Variants in RB1CC1 observed in about 807,000 individuals in gnomAD.
RB1CC1 encodes the protein RB1 inducible coiled-coil 1.
Under a neutral mutation model 177.5 loss-of-function variants are expected in RB1CC1, and 46 were observed. The observed-to-expected ratio is 0.26, with a 90% confidence interval of 0.20 to 0.33. The LOEUF is 0.33. Among genes scored for constraint, RB1CC1 ranks in the 10% least tolerant of loss-of-function variants. The pLI is 1.00. For synonymous variants in RB1CC1, 666 were observed against 613.6 expected (o/e 1.09, Z -1.26); for missense variants, 1,703 against 1,816.3 (o/e 0.94, Z 1.13).
intron 15 of RB1CC1, among the ~76,000 whole-genome samples, chr8:52,647,338 C>T (rs1237723097): frequency 6.6e-6 from 1 of 152,084 alleles, no homozygotes; most frequent in Non-Finnish European, 1.5e-5. Context: ...TAGGAATCCC[C>T]TATTTCATAA....
At chr8:52,673,804 T>C (rs367625437) in intron 7 of RB1CC1, 41 bp downstream of exon 7, 4 of 1,498,850 alleles carry the variant, frequency 2.7e-6, no homozygotes, top group Non-Finnish European at 2.7e-6. Context: ...TAATATAAAG[T>C]AGTAAAATGA....
intron 5 of RB1CC1, among the ~76,000 whole-genome samples, chr8:52,681,712 T>C (rs1347151563): frequency 6.6e-6 from 1 of 152,174 alleles, no homozygotes; most frequent in Non-Finnish European, 1.5e-5. Context: ...AGGAGGATCA[T>C]TTGAGCCCAG....
chr8:52,654,825 T>G (rs1403684284), intron 15 of RB1CC1, among the ~76,000 whole-genome samples: 5 of 152,172 alleles, frequency 3.3e-5, no homozygotes, highest in Admixed American at 2.6e-4. Context: ...TCCTGTTAGA[T>G]CAATTTAACC....
At chr8:52,673,787 G>C (rs1852816556) in intron 7 of RB1CC1, 58 bp downstream of exon 7, 3 of 1,414,232 alleles carry the variant, frequency 2.1e-6, no homozygotes, top group Non-Finnish European at 2.8e-6. Context: ...AAAATATTTA[G>C]GATAAATAAT....
chr8:52,692,372 T>C (rs1328953649), intron 1 of RB1CC1, among the ~76,000 whole-genome samples: 1 of 152,128 alleles, frequency 6.6e-6, no homozygotes, highest in African/African-American at 2.4e-5. Context: ...AACATGAAGT[T>C]CCAAAATACA....
At chr8:52,700,313 C>T (rs1855932609) in intron 1 of RB1CC1, among the ~76,000 whole-genome samples, 1 of 149,372 alleles carries the variant, frequency 6.7e-6, no homozygotes, top group Non-Finnish European at 1.5e-5. Context: ...TGCTTGAGAT[C>T]AAGAGTTCCA....
At chr8:52,704,935 C>G (rs1406472998) in intron 1 of RB1CC1, among the ~76,000 whole-genome samples, 1 of 152,094 alleles carries the variant, frequency 6.6e-6, no homozygotes, top group Non-Finnish European at 1.5e-5. Flanking sequence ...ATATTTAATA[C>G]TATACAAGTT....
chr8:52,699,833 ATATATATATATAT>A (rs1855877932), intron 1 of RB1CC1, among the ~76,000 whole-genome samples: 1 of 55,358 alleles, frequency 1.8e-5, no homozygotes, highest in East Asian at 8.0e-4. Flanking sequence ...AAAAAAAAAT[ATATATATATATAT>A]ATATATATAT....
At chr8:52,658,793 C>T in intron 13 of RB1CC1, 80 bp downstream of exon 13, 1 of 929,124 alleles carries the variant, frequency 1.1e-6, no homozygotes, top group South Asian at 2.0e-5. Context: ...CTTAAGATTA[C>T]TGGTACTACC....
At chr8:52,695,026 T>C (rs117813225) in intron 1 of RB1CC1, among the ~76,000 whole-genome samples, 3,008 of 152,182 alleles carry the variant, frequency 0.02, 39 homozygotes, top group Middle Eastern at 0.031. Flanking sequence ...AATAGATAAA[T>C]AGGCAAAGGG....
rs1030498117 is a variant in RB1CC1, at chr8:52,645,684, G to A, written c.3987+18C>T. ...ACCTTCTTTAGTTCTCAAATGAAAT[G>A]GGAAAAGAGATACAGACCTGTTGTT... On this transcript the variant is annotated intron_variant, in intron 16 of 23. Coordinates refer to ENST00000025008, the MANE Select transcript of RB1CC1 (RefSeq NM_014781.5). 1 of 1,599,808 alleles carries A rather than the reference G, an allele frequency of 6.3e-7. No individual in the cohort carries two copies. The highest frequency in any genetic ancestry group is 8.5e-7 in the Non-Finnish European group (1 of 1,174,788).
Position 52,631,738 on chromosome 8 carries a change from G to A in RB1CC1, c.4441-1210C>T, listed in dbSNP as rs1020227568. Among the ~76,000 whole-genome samples, 3 of 152,140 alleles carry A rather than the reference G, an allele frequency of 2.0e-5. No individual in the cohort carries two copies. In the East Asian group the frequency reaches 5.8e-4, roughly 29 times the overall value. ...TCGTCGGGAAAATTCACCACAGCGT[G>A]CTCAGTCCTCTCTTGCTGAGGCACC... On this transcript the variant is annotated intron_variant, in intron 20 of 23. Transcript: ENST00000025008.
At chr8:52,703,777 T>A (rs1053162774) in intron 1 of RB1CC1, among the ~76,000 whole-genome samples, 2 of 152,154 alleles carry the variant, frequency 1.3e-5, no homozygotes, top group African/African-American at 2.4e-5. Context: ...CTAAAAAAAA[T>A]TTTGGTCATG....
At chr8:52,627,087 G>C (rs1286110068) in intron 22 of RB1CC1, among the ~76,000 whole-genome samples, 5 of 151,650 alleles carry the variant, frequency 3.3e-5, no homozygotes, top group Admixed American at 3.3e-4. Flanking sequence ...GGTGGCTTAA[G>C]CCTGTAATCC....
intron 22 of RB1CC1, among the ~76,000 whole-genome samples, chr8:52,627,582 T>TA (rs1313532256): frequency 6.6e-6 from 1 of 152,138 alleles, no homozygotes; most frequent in East Asian, 1.9e-4. Flanking sequence ...ATTTCCTTTT[T>TA]AAAAAAATAA....
intron 15 of RB1CC1, among the ~76,000 whole-genome samples, chr8:52,653,019 T>C (rs1009378941): frequency 2.0e-5 from 3 of 152,122 alleles, no homozygotes; most frequent in Non-Finnish European, 4.4e-5. Flanking sequence ...ATCACGCCAC[T>C]GCACTCCAGC....
At chr8:52,676,711 T>C (rs770415116) in intron 5 of RB1CC1, 140 bp from the exon 6 acceptor site, 85 of 797,296 alleles carry the variant, frequency 1.1e-4, no homozygotes, top group Non-Finnish European at 1.6e-4. Flanking sequence ...TGTTTTAGTT[T>C]ATCTCTGTTC....
intron 20 of RB1CC1, among the ~76,000 whole-genome samples, chr8:52,631,885 A>T (rs1198041799): frequency 6.6e-6 from 1 of 152,196 alleles, no homozygotes; most frequent in African/African-American, 2.4e-5. Context: ...GCGCTCTGAC[A>T]CCTTGCCTAG....
chr8:52,661,954 G>A (rs1365323661), intron 8 of RB1CC1, among the ~76,000 whole-genome samples: 1 of 151,974 alleles, frequency 6.6e-6, no homozygotes, highest in East Asian at 1.9e-4. Context: ...ATAAAGGCTA[G>A]AAAGATAAAG....
Sources: allele counts gnomAD v4.1 joint callset (sites outside exome capture counted in the v4.1 genomes callset), GRCh38; gene constraint gnomAD v4.1.1; transcripts MANE v1.5; gene names NCBI Gene and HGNC (gene_info 2026-07-23, HGNC 2026-07-21).